Variants in OLFML3 observed in about 807,000 individuals in gnomAD.
The protein encoded by OLFML3 is olfactomedin-like protein 3.
OLFML3 carries 26 observed loss-of-function variants against 36.0 expected under a neutral mutation model. That is an observed-to-expected ratio of 0.72 (90% CI 0.53 to 1.00). OLFML3 has a LOEUF of 1.00. Ranked by LOEUF, OLFML3 falls within the 50% of genes least tolerant of loss-of-function variation. The pLI is 0.00. For synonymous variants in OLFML3, 184 were observed against 201.2 expected, an observed-to-expected ratio of 0.91 and a Z score of 0.72; for missense variants, 503 against 519.4, an observed-to-expected ratio of 0.97 and a Z score of 0.31.
rs1490153478 is a variant in OLFML3, at chr1:113,980,524, G to A, written c.307G>A (p.Ala103Thr). 1 of 1,614,158 alleles carries A rather than the reference G, an allele frequency of 6.2e-7. No homozygotes were observed. The highest frequency in any genetic ancestry group is 1.7e-5 in the Admixed American group (1 of 60,024). Residue 103 changes from alanine to threonine, a missense_variant, in exon 2 of 3, where the codon GCT (alanine) becomes ACT (threonine). Transcript: ENST00000320334. ...AGACTATCTGGAGACCCAGAACCCAGCTCTGCCCTGTGTAGAGTTTGATGA... is the reference window on the plus strand; with the variant it reads ...AGACTATCTGGAGACCCAGAACCCAACTCTGCCCTGTGTAGAGTTTGATGA... ...EVDYLETQNP[A>T]LPCVEFDEKV...
chr1:113,980,731 A>G (rs775055318), intron 2 of OLFML3, 114 bp downstream of exon 2: 33 of 1,278,642 alleles, frequency 2.6e-5, no homozygotes, highest in Non-Finnish European at 3.3e-5. Context: ...GTCTTCTGGA[A>G]TCTGTTTTAG....
rs1268773462 is a variant in OLFML3, at chr1:113,980,044, C to T, written c.115-288C>T. 7 of 1,539,950 alleles carry T rather than the reference C, an allele frequency of 4.5e-6. No individual in the cohort carries two copies. The East Asian group carries it at 1.7e-4, about 38-fold the overall frequency. On this transcript the variant is annotated intron_variant, in intron 1 of 2. Transcript: ENST00000320334. ...GGGAGCAGAGACCTCTTCACACCTT[C>T]ATGCGCTTAGACCTGCCTAGAGGCT...
chr1:113,980,849 C>T (rs1198282962), intron 2 of OLFML3, 100 bp from the exon 3 acceptor site: 3 of 1,144,260 alleles, frequency 2.6e-6, no homozygotes, highest in Non-Finnish European at 3.6e-6. Flanking sequence ...AACCACTGGG[C>T]AAATGCTCAC....
chr1:113,981,884 A>G lies in OLFML3; in HGVS notation c.*115A>G. ...GGGCCAGTTGTGGCTCAAATCCTCT[A>G]TATTTTTAGCCAATGGCAATCAAAT... is the stretch of plus-strand genomic sequence containing the variant. On this transcript the variant is annotated 3_prime_UTR_variant, in exon 3 of 3. Coordinates refer to ENST00000320334, the MANE Select transcript of OLFML3 (RefSeq NM_020190.5). 6.4e-6 allele frequency: 6 copies of G among 938,906 alleles called. No homozygotes were observed. Among genetic ancestry groups the G allele is most frequent in the African/African-American group, 1.7e-5 (1 of 60,206 alleles). The allele number at this position is 938,906 out of a possible 1,614,324, so 58.2% of individuals were successfully genotyped here. A position where few individuals can be genotyped will look rare whatever the true frequency, so the allele number is the denominator to read the frequency against.
chr1:113,979,995 A>C, intron 1 of OLFML3: 2 of 1,467,754 alleles, frequency 1.4e-6, no homozygotes, highest in Non-Finnish European at 1.8e-6. Context: ...GTAGCATTTT[A>C]GTGTCCGAGA....
chr1:113,980,782 G>A (rs1288373266), intron 2 of OLFML3, 165 bp downstream of exon 2: 6 of 1,018,408 alleles, frequency 5.9e-6, no homozygotes, highest in Non-Finnish European at 8.4e-6. Flanking sequence ...GAGAGGTTCT[G>A]GGGATCCAGG....
Position 113,980,366 on chromosome 1 carries a change from G to A in OLFML3, c.149G>A (p.Arg50Gln), listed in dbSNP as rs375036310. Residue 50 changes from arginine to glutamine, a missense_variant, in exon 2 of 3, where the codon CGG becomes CAG. Transcript: ENST00000320334. Reference sequence around the variant, plus strand: ...GCCCAGTGCCAGGACCAGAGTAGTCGGCATGCTGCTGAGCTGCGGGACTTC... The same window carrying A: ...GCCCAGTGCCAGGACCAGAGTAGTCAGCATGCTGCTGAGCTGCGGGACTTC... ...RLAQCQDQSS[R>Q]HAAELRDFKN... 7.0e-6 allele frequency: 11 copies of A among 1,582,082 alleles called. No individual in the cohort carries two copies. The highest frequency in any genetic ancestry group is 6.7e-5 in the East Asian group (3 of 44,744).
At chr1:113,980,842 C>T (rs1033314256) in intron 2 of OLFML3, 107 bp from the exon 3 acceptor site, 60 of 1,117,640 alleles carry the variant, frequency 5.4e-5, no homozygotes, top group South Asian at 1.7e-5. Context: ...TGGAGGCAAC[C>T]ACTGGGCAAA....
chr1:113,980,990 C>T lies in OLFML3; in HGVS notation c.442C>T (p.Leu148=), dbSNP rs1673387649. The change falls in exon 3 of 3, where the codon CTG becomes TTG. Residue 148 remains leucine, a synonymous_variant. Coordinates refer to ENST00000320334, the MANE Select transcript of OLFML3 (RefSeq NM_020190.5). ...CTCTCAAGTGAGATCAATGAAGATTCTGAAGCGATTTGGTGGCCCAGCTGG... is the reference window on the plus strand; with the variant it reads ...CTCTCAAGTGAGATCAATGAAGATTTTGAAGCGATTTGGTGGCCCAGCTGG... ...TISQVRSMKI[L]KRFGGPAGLW... is the part of the protein sequence containing the mutation. The T allele has an allele frequency of 6.5e-7, 1 of 1,540,498 alleles. No individual in the cohort carries two copies. The highest frequency in any genetic ancestry group is 2.0e-5 in the Admixed American group (1 of 49,568).
Position 113,980,109 on chromosome 1 carries a change from G to A in OLFML3, c.115-223G>A, listed in dbSNP as rs1306579069. On this transcript the variant is annotated intron_variant, in intron 1 of 2. Coordinates refer to ENST00000320334, the MANE Select transcript of OLFML3 (RefSeq NM_020190.5). ...GCACTGCTCACAGAGAACACAGGCT[G>A]GAGGACATGGAGTCGGGGTAGGGGC... The A allele has an allele frequency of 1.8e-5, 28 of 1,550,168 alleles. 1 individual carries two copies. The highest frequency in any genetic ancestry group is 1.8e-4 in the Admixed American group (9 of 50,924).
At position 113,981,294 on chromosome 1, in the gene OLFML3, G is replaced by A. The variant is rs778043649; in HGVS notation, c.746G>A (p.Arg249Gln). The A allele has an allele frequency of 1.7e-5, 28 of 1,603,260 alleles. No homozygotes were observed. The highest frequency in any genetic ancestry group is 6.7e-5 in the Admixed American group (4 of 59,286). ...CTAATCAAATTCCACCTGGCAAACCGAACAGTGGTGGACAGCTCAGTATTC... is the reference window on the plus strand; with the variant it reads ...CTAATCAAATTCCACCTGGCAAACCAAACAGTGGTGGACAGCTCAGTATTC... Reference protein sequence around the residue: ...LQLIKFHLANRTVVDSSVFPA... With the variant: ...LQLIKFHLANQTVVDSSVFPA... The change falls in exon 3 of 3, where the codon CGA becomes CAA. Residue 249 changes from arginine to glutamine, a missense_variant. Transcript: ENST00000320334.
intron 1 of OLFML3, chr1:113,979,974 G>C: frequency 3.5e-6 from 5 of 1,447,706 alleles, no homozygotes; most frequent in Non-Finnish European, 4.6e-6. Flanking sequence ...CTTTTTAACA[G>C]GTTGAGATCC....
rs187964720 is a variant in OLFML3 at position 113,980,821 on chromosome 1, C to A, written c.401-128C>A. 3.8e-4 allele frequency: 391 copies of A among 1,027,492 alleles called. 3 individuals are homozygous for A. The East Asian group carries it at 8.6e-3, about 23-fold the overall frequency. The allele number at this position is 1,027,492 out of a possible 1,614,324, so 63.6% of individuals were successfully genotyped here. On this transcript the variant is annotated intron_variant, in intron 2 of 2. Coordinates refer to ENST00000320334, the MANE Select transcript of OLFML3 (RefSeq NM_020190.5). The stretch of plus-strand genomic sequence containing the variant: ...CTGTGGTACCCGCTCTTTCTCAATT[C>A]TCCCTAAGATTGGAGGCAACCACTG...
At chr1:113,979,872 G>T in intron 1 of OLFML3, 1 of 1,285,044 alleles carries the variant, frequency 7.8e-7, no homozygotes. Flanking sequence ...GGGCAGAGTG[G>T]AAACGAGAGC....
rs535377647 is a variant in OLFML3 at position 113,981,093 on chromosome 1, T to C, written c.545T>C (p.Val182Ala). The change falls in exon 3 of 3, where the codon GTC (valine) becomes GCC (alanine). Residue 182 changes from valine to alanine, a missense_variant. Coordinates refer to ENST00000320334, the MANE Select transcript of OLFML3 (RefSeq NM_020190.5). The part of the protein sequence containing the change: ...LDGTQNDTAF[V>A]FPRLRDFTLA... The stretch of plus-strand genomic sequence containing the variant: ...GGGACACAGAATGACACAGCCTTTG[T>C]CTTCCCAAGGCTGCGTGACTTCACC... 1 of 1,613,264 alleles carries C rather than the reference T, an allele frequency of 6.2e-7. No individual in the cohort carries two copies. The highest frequency in any genetic ancestry group is 1.1e-5 in the South Asian group (1 of 90,922).
Position 113,981,392 on chromosome 1 carries a change from G to C in OLFML3, c.844G>C (p.Gly282Arg). 1 of 1,611,376 alleles carries C rather than the reference G, an allele frequency of 6.2e-7. No individual in the cohort carries two copies. The highest frequency in any genetic ancestry group is 8.5e-7 in the Non-Finnish European group (1 of 1,178,490). ...TYIDLAADEE[G>R]LWAVYATRED... is the part of the protein sequence containing the mutation. ...CATCGACCTGGCAGCTGATGAGGAA[G>C]GTCTTTGGGCTGTCTATGCCACCCG... The change falls in exon 3 of 3, where the codon GGT (glycine) becomes CGT (arginine). Residue 282 changes from glycine (G) to arginine (R), a missense_variant. Coordinates refer to ENST00000320334, the MANE Select transcript of OLFML3 (RefSeq NM_020190.5).
rs112248404 is a variant in OLFML3, at chr1:113,981,406, C to G, written c.858C>G (p.Val286=). The change falls in exon 3 of 3, where the codon GTC becomes GTG. Residue 286 remains valine (V), a synonymous_variant. Transcript: ENST00000320334. Reference sequence around the variant, plus strand: ...CTGATGAGGAAGGTCTTTGGGCTGTCTATGCCACCCGGGAGGATGACAGGC... The same window carrying G: ...CTGATGAGGAAGGTCTTTGGGCTGTGTATGCCACCCGGGAGGATGACAGGC... The part of the protein sequence containing the change: ...LAADEEGLWA[V]YATREDDRHL... The G allele has an allele frequency of 2.8e-5, 45 of 1,612,300 alleles. No individual in the cohort carries two copies. In the African/African-American group the frequency reaches 3.2e-4, roughly 11 times the overall value.
intron 1 of OLFML3, 199 bp from the exon 2 acceptor site, chr1:113,980,133 G>A: frequency 6.5e-7 from 1 of 1,547,552 alleles, no homozygotes; most frequent in East Asian, 2.4e-5. Context: ...CGGGGTAGGG[G>A]CCTAGGTGAA....
intron 1 of OLFML3, 143 bp downstream of exon 1, chr1:113,979,773 G>T: frequency 1.2e-6 from 1 of 827,770 alleles, no homozygotes; most frequent in South Asian, 1.8e-5. Context: ...AGGACCTTCG[G>T]AATGACAAGC....
Sources: allele counts gnomAD v4.1 joint callset, GRCh38; gene constraint gnomAD v4.1.1; transcripts MANE v1.5; gene names NCBI Gene and HGNC (gene_info 2026-07-23, HGNC 2026-07-21).